The following ACSS1 variants were observed in gnomAD, a reference collection of about 807,000 sequenced individuals.
ACSS1 encodes acyl-CoA synthetase short chain family member 1.
In ACSS1, 42 loss-of-function variants were observed where a neutral mutation model predicts 75.3. The observed-to-expected ratio is 0.56, with a 90% CI of 0.44 to 0.72. ACSS1 has a LOEUF of 0.72. ACSS1 is among the 30% of genes least tolerant of loss of function. The probability of loss-of-function intolerance (pLI) is 0.00; values close to 1 mark genes in which losing one functional copy is unlikely to be tolerated. For synonymous variants in ACSS1, 380 were observed against 376.8 expected, an observed-to-expected ratio of 1.01 and a Z score of -0.10; for missense variants, 782 against 935.7, an observed-to-expected ratio of 0.84 and a Z score of 2.14.
intron 2 of ACSS1, chr20:25,032,285 G>C: frequency 8.4e-7 from 1 of 1,194,566 alleles, no homozygotes; most frequent in Middle Eastern, 2.3e-4. Flanking sequence ...GCTCAGGGCC[G>C]ACACGTGACC....
At chr20:25,023,326 G>A in intron 4 of ACSS1, 140 bp downstream of exon 4, 1 of 1,116,998 alleles carries the variant, frequency 9.0e-7, no homozygotes, top group Non-Finnish European at 1.3e-6. Flanking sequence ...TTCCCAGTCA[G>A]GACTCAAGCT....
chr20:25,022,873 G>A, intron 5 of ACSS1, 67 bp downstream of exon 5: 2 of 1,505,372 alleles, frequency 1.3e-6, no homozygotes, highest in South Asian at 2.6e-5. Flanking sequence ...TGCAGCAGGA[G>A]GACTTCCAGC....
chr20:25,050,883 C>T lies in ACSS1; in HGVS notation c.335-2702G>A, dbSNP rs572753845. On this transcript the variant is annotated intron_variant, in intron 1 of 13. Coordinates refer to ENST00000323482, the MANE Select transcript of ACSS1 (RefSeq NM_032501.4). ...CCCCAGGATGGACAGCACCCAGGTG[C>T]GGCTGGGTGGCCCGTGAGATAAGCC... 4.7e-4 allele frequency among the ~76,000 whole-genome samples: 71 copies of T among 152,250 alleles called. No individual in the cohort carries two copies. In the Middle Eastern group the frequency reaches 0.01, roughly 22 times the overall value.
rs773433240 is a variant in ACSS1, at chr20:25,009,291, A to T, written c.1869T>A (p.Tyr623Ter). 1 of 1,613,880 alleles carries T rather than the reference A, an allele frequency of 6.2e-7. No homozygotes were observed. The change falls in exon 13 of 14, where the codon TAT becomes TAA. Residue 623 changes from tyrosine to a stop codon, truncating the protein, a stop_gained. Coordinates refer to ENST00000323482, the MANE Select transcript of ACSS1 (RefSeq NM_032501.4). LOFTEE classifies it high-confidence loss of function. ...KSMVATKIAK[Y>*]AVPDEILVVK... Reference sequence around the variant, plus strand: ...TCACCAGGATCTCATCAGGCACAGCATATTTGGCGATCTTGGTGGCCACCA... The same window carrying T: ...TCACCAGGATCTCATCAGGCACAGCTTATTTGGCGATCTTGGTGGCCACCA...
intron 1 of ACSS1, 56 bp from the exon 2 acceptor site, chr20:25,048,237 C>T (rs984488713): frequency 2.0e-5 from 30 of 1,538,120 alleles, no homozygotes; most frequent in East Asian, 9.0e-5. Context: ...AGTGAGAATT[C>T]GGCCAGGTTG....
At chr20:25,013,008 C>G in intron 10 of ACSS1, 69 bp from the exon 11 acceptor site, 1 of 1,606,322 alleles carries the variant, frequency 6.2e-7, no homozygotes, top group Non-Finnish European at 8.5e-7. Flanking sequence ...CCTCAGTAAG[C>G]GTGAAGCTCT....
At chr20:25,018,078 A>C (rs944246521) in intron 7 of ACSS1, among the ~76,000 whole-genome samples, 1 of 152,240 alleles carries the variant, frequency 6.6e-6, no homozygotes, top group African/African-American at 2.4e-5. Context: ...TTATGGTTTG[A>C]ATGTTTGTCC....
chr20:25,056,381 A>C (rs2089242477), intron 1 of ACSS1, among the ~76,000 whole-genome samples: 1 of 152,184 alleles, frequency 6.6e-6, no homozygotes, highest in Non-Finnish European at 1.5e-5. Flanking sequence ...CTGCTGACTC[A>C]ATGTTAAAGA....
At chr20:25,019,276 C>G (rs1001601312) in intron 7 of ACSS1, among the ~76,000 whole-genome samples, 1 of 152,228 alleles carries the variant, frequency 6.6e-6, no homozygotes, top group Non-Finnish European at 1.5e-5. Context: ...CCTCCCAGCA[C>G]CAGCCCGAAA....
chr20:25,013,726 G>A, intron 9 of ACSS1, 64 bp from the exon 10 acceptor site: 1 of 1,545,520 alleles, frequency 6.5e-7, no homozygotes, highest in Non-Finnish European at 8.7e-7. Flanking sequence ...GCCAAAAAAT[G>A]ACAAGCCCTG....
rs1010707997 is a variant in ACSS1, at chr20:25,032,374, A to G, written c.432-1416T>C. On this transcript the variant is annotated intron_variant, in intron 2 of 13. Transcript: ENST00000323482. ...GGCGAGAGCCGCCAACTTGCCGGCC[A>G]TGCGGTGCGAAGTGGAGGAAGTGGA... 21 of 1,369,052 alleles carry G rather than the reference A, an allele frequency of 1.5e-5. No individual in the cohort carries two copies. In the African/African-American group the frequency reaches 2.1e-4, roughly 13 times the overall value. 84.8% of individuals were successfully genotyped at this position (1,369,052 alleles called of 1,614,324 possible).
chr20:25,035,736 T>G (rs979980500), intron 2 of ACSS1, among the ~76,000 whole-genome samples: 2 of 152,192 alleles, frequency 1.3e-5, no homozygotes, highest in Non-Finnish European at 2.9e-5. Flanking sequence ...AAGTTTAAAC[T>G]CTCATTTTTC....
At chr20:25,033,991 G>C (rs572326857) in intron 2 of ACSS1, among the ~76,000 whole-genome samples, 1 of 152,330 alleles carries the variant, frequency 6.6e-6, no homozygotes, top group East Asian at 1.9e-4. Flanking sequence ...GCAGGGTCTG[G>C]TGAGTCTCAC....
At position 25,057,838 on chromosome 20, in the gene ACSS1, T is replaced by C; in HGVS notation, c.265A>G (p.Thr89Ala). 6.2e-7 allele frequency: 1 copy of C among 1,610,960 alleles called. No homozygotes were observed. Among genetic ancestry groups the C allele is most frequent in the Non-Finnish European group, 8.5e-7 (1 of 1,178,488 alleles). Reference protein sequence around the residue: ...DTLVWDTPYHTVWDCDFSTGK... With the variant: ...DTLVWDTPYHAVWDCDFSTGK... Reference sequence around the variant, plus strand: ...GTGCTGAAGTCGCAGTCCCAGACGGTGTGGTAGGGGGTGTCCCACACGAGA... The same window carrying C: ...GTGCTGAAGTCGCAGTCCCAGACGGCGTGGTAGGGGGTGTCCCACACGAGA... The change falls in exon 1 of 14, where the codon ACC becomes GCC. Residue 89 changes from threonine (T) to alanine (A), a missense_variant. Thr to Ala is a moderately conservative substitution (Grantham distance 58). Around this residue, in one of 2 missense-constraint regions of ACSS1, gnomAD observed 377 missense variants for 383.1 expected, o/e 0.98. Coordinates refer to ENST00000323482, the MANE Select transcript of ACSS1 (RefSeq NM_032501.4).
intron 2 of ACSS1, chr20:25,032,552 C>G (rs2088844976): frequency 8.0e-7 from 1 of 1,250,684 alleles, no homozygotes; most frequent in Non-Finnish European, 1.0e-6. Context: ...TGAGGGGAAG[C>G]CAAGGCCCTT....
chr20:25,031,184 G>A (rs2088818017), intron 2 of ACSS1: 2 of 637,648 alleles, frequency 3.1e-6, no homozygotes, highest in South Asian at 3.2e-5. Context: ...CATTGCTAGG[G>A]TGACAAGGCT....
intron 3 of ACSS1, among the ~76,000 whole-genome samples, chr20:25,027,323 A>G (rs1169545254): frequency 6.6e-6 from 1 of 152,272 alleles, no homozygotes; most frequent in Admixed American, 6.5e-5. Context: ...CTAAAGCCAG[A>G]CAAAGATTAC....
At chr20:25,057,426 G>A (rs767705062) in intron 1 of ACSS1, among the ~76,000 whole-genome samples, 1 of 152,194 alleles carries the variant, frequency 6.6e-6, no homozygotes, top group East Asian at 1.9e-4. Flanking sequence ...GCTCCCCGCC[G>A]GCTCTTGCTC....
intron 2 of ACSS1, 38 bp downstream of exon 2, chr20:25,048,047 C>A: frequency 6.3e-7 from 1 of 1,588,828 alleles, no homozygotes; most frequent in Middle Eastern, 1.7e-4. Context: ...CTGGGCTGGG[C>A]GCCTCCCTCG....
Sources: allele counts gnomAD v4.1 joint callset (sites outside exome capture counted in the v4.1 genomes callset), GRCh38; gene constraint gnomAD v4.1.1; regional missense constraint gnomAD v4.1.1; transcripts MANE v1.5; gene names NCBI Gene and HGNC (gene_info 2026-07-23, HGNC 2026-07-21).